The following MAP3K20 variants were observed in gnomAD, a reference collection of about 807,000 sequenced individuals.
MAP3K20 encodes HCCS-4.
Under a neutral mutation model 85.7 loss-of-function variants are expected in MAP3K20, and 40 were observed. The ratio of observed to expected loss-of-function variants is 0.47; its 90% CI spans 0.36 to 0.61. The LOEUF is 0.61. Among genes scored for constraint, MAP3K20 ranks in the 20% least tolerant of loss-of-function variants. MAP3K20 has a pLI of 0.00. For missense variants in MAP3K20, 817 were observed against 961.7 expected, an observed-to-expected ratio of 0.85 and a Z score of 1.99; for synonymous variants, 325 against 327.7, an observed-to-expected ratio of 0.99 and a Z score of 0.09.
chr2:173,205,924 G>C (rs960199511), intron 9 of MAP3K20, among the ~76,000 whole-genome samples: 27 of 152,234 alleles, frequency 1.8e-4, no homozygotes, highest in African/African-American at 6.0e-4. Flanking sequence ...TTTGCAACTA[G>C]TTCAGTAGAA....
chr2:173,241,966 C>T (rs1684792147), intron 16 of MAP3K20, among the ~76,000 whole-genome samples: 1 of 152,156 alleles, frequency 6.6e-6, no homozygotes, highest in Non-Finnish European at 1.5e-5. Flanking sequence ...GCACTTCTAA[C>T]CCTGAGATTC....
intron 16 of MAP3K20, among the ~76,000 whole-genome samples, chr2:173,242,177 A>AAT (rs1553593012): frequency 7.0e-6 from 1 of 142,654 alleles, no homozygotes; most frequent in African/African-American, 2.6e-5. Flanking sequence ...AGAAAAAAAA[A>AAT]TTTTTTTTTT....
At chr2:173,176,354 T>C (rs144923505) in intron 3 of MAP3K20, among the ~76,000 whole-genome samples, 3 of 152,210 alleles carry the variant, frequency 2.0e-5, no homozygotes, top group Admixed American at 2.0e-4. Flanking sequence ...ACGTTTTTGT[T>C]CACTTTTGTT....
chr2:173,250,707 T>C (rs1685022653), intron 16 of MAP3K20, among the ~76,000 whole-genome samples: 1 of 152,172 alleles, frequency 6.6e-6, no homozygotes, highest in South Asian at 2.1e-4. Context: ...GAGACATTGT[T>C]TTGCTGAAGA....
chr2:173,139,293 C>T (rs1401829574), intron 2 of MAP3K20, among the ~76,000 whole-genome samples: 2 of 152,178 alleles, frequency 1.3e-5, no homozygotes, highest in Non-Finnish European at 2.9e-5. Context: ...CCTTAATGTC[C>T]TCCGAAACAT....
chr2:173,266,691 C>G lies in MAP3K20; in HGVS notation c.2344C>G (p.Pro782Ala). ...EYRKKPHRPS[P>A]AKTNKERARG... ...CCGGAAAAAGCCCCACAGGCCATCT[C>G]CCGCCAAAACCAATAAAGAGAGAGC... Residue 782 changes from proline to alanine, a missense_variant, in exon 20 of 20, where the codon CCC becomes GCC. Pro to Ala is a conservative substitution (Grantham distance 27). Coordinates refer to ENST00000375213, the MANE Select transcript of MAP3K20 (RefSeq NM_016653.3). 3 of 1,596,224 alleles carry G rather than the reference C, an allele frequency of 1.9e-6. No homozygotes were observed. In the Middle Eastern group the frequency reaches 5.1e-4, roughly 269 times the overall value.
intron 2 of MAP3K20, among the ~76,000 whole-genome samples, chr2:173,121,359 A>G (rs917825837): frequency 1.1e-4 from 16 of 152,084 alleles, no homozygotes; most frequent in African/African-American, 3.6e-4. Flanking sequence ...TGATGAAGAT[A>G]TTGTCGGAAA....
At chr2:173,119,279 G>A (rs1350027090) in intron 2 of MAP3K20, among the ~76,000 whole-genome samples, 1 of 152,298 alleles carries the variant, frequency 6.6e-6, no homozygotes, top group South Asian at 2.1e-4. Context: ...GTCCAGTGAC[G>A]ATCTCGAGTG....
intron 1 of MAP3K20, among the ~76,000 whole-genome samples, chr2:173,084,503 T>C (rs1289371521): frequency 6.6e-6 from 1 of 150,682 alleles, no homozygotes; most frequent in Admixed American, 6.6e-5. Context: ...TTATAATTAC[T>C]TACTAATAAG....
intron 2 of MAP3K20, among the ~76,000 whole-genome samples, chr2:173,135,572 G>A (rs1688776979): frequency 6.6e-6 from 1 of 152,196 alleles, no homozygotes; most frequent in East Asian, 1.9e-4. Context: ...GTGATGGGAA[G>A]ATTTTAGAAT....
chr2:173,195,462 A>T (rs1690799397), intron 7 of MAP3K20, among the ~76,000 whole-genome samples: 1 of 152,222 alleles, frequency 6.6e-6, no homozygotes, highest in African/African-American at 2.4e-5. Flanking sequence ...CACAGTTTAA[A>T]TGTGAGGACG....
Position 173,134,342 on chromosome 2 carries a change from C to T in MAP3K20, c.160-35463C>T, listed in dbSNP as rs73021647. Among the ~76,000 whole-genome samples, 878 of 132,446 alleles carry T rather than the reference C, an allele frequency of 6.6e-3. 12 individuals carry two copies. The highest frequency in any genetic ancestry group is 0.023 in the African/African-American group (815 of 34,992). The allele number at this position is 132,446 out of a possible 152,430, so 86.9% of individuals were successfully genotyped here. ...CCTCTCTAGTAGCTAGAACCACAGG[C>T]GCATGCCACCACTCCTGGCTAAATT... On this transcript the variant is annotated intron_variant, in intron 2 of 19. Coordinates refer to ENST00000375213, the MANE Select transcript of MAP3K20 (RefSeq NM_016653.3).
intron 2 of MAP3K20, among the ~76,000 whole-genome samples, chr2:173,125,372 A>G (rs888846159): frequency 2.0e-5 from 3 of 152,318 alleles, no homozygotes; most frequent in East Asian, 3.9e-4. Flanking sequence ...ACAGCTTTTT[A>G]GCTTGGTGAG....
chr2:173,146,117 A>G (rs903895906), intron 2 of MAP3K20, among the ~76,000 whole-genome samples: 2 of 152,214 alleles, frequency 1.3e-5, no homozygotes, highest in Non-Finnish European at 2.9e-5. Flanking sequence ...GATTAAGGTC[A>G]TACATAGGTG....
chr2:173,213,636 G>A (rs777425537), intron 10 of MAP3K20, among the ~76,000 whole-genome samples: 5 of 152,144 alleles, frequency 3.3e-5, no homozygotes, highest in Non-Finnish European at 7.4e-5. Context: ...ACTGAGAACA[G>A]AACCCAGTAC....
chr2:173,265,266 A>AG (rs766887164), intron 19 of MAP3K20, among the ~76,000 whole-genome samples: 2 of 152,238 alleles, frequency 1.3e-5, no homozygotes, highest in Non-Finnish European at 2.9e-5. Context: ...CAGGAACTCT[A>AG]GAACATGGGT....
At chr2:173,130,767 A>T (rs114071278) in intron 2 of MAP3K20, among the ~76,000 whole-genome samples, 4,951 of 152,286 alleles carry the variant, frequency 0.033, 283 homozygotes, top group African/African-American at 0.11. Flanking sequence ...TTCTCAGGAC[A>T]CTGTCTAGTA....
chr2:173,265,939 G>A, intron 19 of MAP3K20, 111 bp from the exon 20 acceptor site: 1 of 1,091,724 alleles, frequency 9.2e-7, no homozygotes, highest in Non-Finnish European at 1.3e-6. Context: ...TCTATGAATG[G>A]TAAAGCTTAG....
At chr2:173,251,508 C>T (rs1451029176) in intron 16 of MAP3K20, among the ~76,000 whole-genome samples, 3 of 152,128 alleles carry the variant, frequency 2.0e-5, no homozygotes, top group South Asian at 2.1e-4. Flanking sequence ...GGTAAGGCTG[C>T]GAGGATTAAT....
Sources: gnomAD v4.1 joint callset for allele counts (sites outside exome capture counted in the v4.1 genomes callset) on GRCh38, gnomAD v4.1.1 for gene constraint, MANE v1.5 for transcripts, NCBI Gene and HGNC (gene_info 2026-07-23, HGNC 2026-07-21) for gene names.